The following FMO3 variants were observed in gnomAD, a reference collection of about 807,000 sequenced individuals.
FMO3 encodes the protein flavin-containing monooxygenase 3.
A neutral mutation model predicts 39.4 loss-of-function variants in FMO3; 40 were observed. The ratio of observed to expected loss-of-function variants is 1.02; its 90% confidence interval spans 0.79 to 1.32. The LOEUF is 1.32. Among genes scored for constraint, FMO3 ranks in the 40% most tolerant of loss-of-function variants. The pLI, the probability that FMO3 is intolerant of heterozygous loss-of-function variation, is 0.00. For missense variants in FMO3, 680 were observed against 651.8 expected (o/e 1.04, Z -0.47); for synonymous variants, 219 against 228.8 (o/e 0.96, Z 0.39).
At chr1:171,096,763 TATAATTAATATAATTATATTAA>T (rs1308826620) in intron 2 of FMO3, among the ~76,000 whole-genome samples, 4 of 129,136 alleles carry the variant, frequency 3.1e-5, no homozygotes, top group East Asian at 2.1e-4. Context: ...ATTAAAAATA[TATAATTAATATAATTATATTAA>T]AAATATATAT....
Position 171,117,091 on chromosome 1 carries a change from C to A in FMO3, c.1257-9C>A. On this transcript the variant is annotated splice_polypyrimidine_tract_variant and intron_variant, in intron 8 of 8. Coordinates refer to ENST00000367755, the MANE Select transcript of FMO3 (RefSeq NM_001002294.3). ...GTATCCACAGTGGTGTTTTCTCTCC[C>A]ATCTCCAGGTTTGGCAAAAGCGAGA... 1.2e-6 allele frequency: 2 copies of A among 1,607,558 alleles called. No individual in the cohort carries two copies. Among genetic ancestry groups the A allele is most frequent in the Non-Finnish European group, 1.7e-6 (2 of 1,174,034 alleles).
chr1:171,110,839 G>A lies in FMO3; in HGVS notation c.669G>A (p.Arg223=). The change falls in exon 6 of 9, where the codon CGG becomes CGA. Residue 223 remains arginine, a synonymous_variant. Transcript: ENST00000367755. The part of the protein sequence containing the change: ...SSRSGSWVMS[R]VWDNGYPWDM... Reference sequence around the variant, plus strand: ...GAAGTGGCTCCTGGGTGATGAGCCGGGTCTGGGACAATGGTTATCCTTGGG... The same window carrying A: ...GAAGTGGCTCCTGGGTGATGAGCCGAGTCTGGGACAATGGTTATCCTTGGG... 1.9e-6 allele frequency: 3 copies of A among 1,613,926 alleles called. No homozygotes were observed. The South Asian group carries it at 3.3e-5, about 18-fold the overall frequency.
At position 171,107,659 on chromosome 1, in the gene FMO3, T is replaced by C. The variant is rs1279065517; in HGVS notation, c.322-16T>C. ...CTAGCATAGAAAAGAGGGATTTCTT[T>C]CTGTATTTCTCTTAGACATTTGTAT... On this transcript the variant is annotated splice_polypyrimidine_tract_variant and intron_variant, in intron 3 of 8. Transcript: ENST00000367755. 6.2e-7 allele frequency: 1 copy of C among 1,610,106 alleles called. No individual in the cohort carries two copies. Among genetic ancestry groups the C allele is most frequent in the Admixed American group, 1.7e-5 (1 of 59,960 alleles).
chr1:171,110,513 TC>T (rs1057403022), intron 5 of FMO3, among the ~76,000 whole-genome samples: 4 of 152,214 alleles, frequency 2.6e-5, no homozygotes, highest in African/African-American at 9.6e-5. Context: ...GCTGGGATGG[TC>T]CTTTGGCATT....
Position 171,113,996 on chromosome 1 carries a change from T to A in FMO3, c.828-11T>A. 6.6e-7 allele frequency: 1 copy of A among 1,516,976 alleles called. No individual in the cohort carries two copies. Among genetic ancestry groups the A allele is most frequent in the Non-Finnish European group, 9.1e-7 (1 of 1,096,818 alleles). The allele number at this position is 1,516,976 out of a possible 1,614,324, so 94.0% of individuals were successfully genotyped here. ...TTACACTTCCAATAATTGTCTCTGT[T>A]TTCCATACAGAGTCCTGAGGAAAGA... On this transcript the variant is annotated splice_polypyrimidine_tract_variant and intron_variant, in intron 6 of 8. Coordinates refer to ENST00000367755, the MANE Select transcript of FMO3 (RefSeq NM_001002294.3).
In FMO3 at chr1:171,117,389, A is replaced by G. The variant is rs746860049; in HGVS notation, c.1546A>G (p.Lys516Glu). 46 of 1,613,028 alleles carry G rather than the reference A, an allele frequency of 2.9e-5. No homozygotes were observed. Among genetic ancestry groups the G allele is most frequent in the Non-Finnish European group, 3.6e-5 (43 of 1,179,748 alleles). The change falls in exon 9 of 9, where the codon AAG (lysine) becomes GAG (glutamate). Residue 516 changes from lysine (K) to glutamate (E), a missense_variant. Coordinates refer to ENST00000367755, the MANE Select transcript of FMO3 (RefSeq NM_001002294.3). ...GCCTTGCTTCTTTTTCCATTGGCTG[A>G]AGCTCTTTGCAATTCCTATTCTGTT... Reference protein sequence around the residue: ...QKPCFFFHWLKLFAIPILLIA... With the variant: ...QKPCFFFHWLELFAIPILLIA...
At chr1:171,105,143 C>T (rs1571215683) in intron 3 of FMO3, among the ~76,000 whole-genome samples, 1 of 152,012 alleles carries the variant, frequency 6.6e-6, no homozygotes, top group African/African-American at 2.4e-5. Context: ...GTTCTTTTGA[C>T]CTAGAAATTA....
At chr1:171,097,379 A>G (rs28817425) in intron 2 of FMO3, among the ~76,000 whole-genome samples, 12,180 of 85,806 alleles carry the variant, frequency 0.14, 453 homozygotes, top group African/African-American at 0.21. Flanking sequence ...GACTTCCACA[A>G]TGGTTGAACT....
intron 6 of FMO3, 85 bp downstream of exon 6, chr1:171,111,082 C>A (rs1391988851): frequency 1.9e-6 from 2 of 1,050,544 alleles, no homozygotes; most frequent in Non-Finnish European, 3.0e-6. Context: ...CAAAACAAAT[C>A]AAAGTATTAG....
intron 5 of FMO3, among the ~76,000 whole-genome samples, chr1:171,108,623 A>G (rs28363553): frequency 0.018 from 2,722 of 152,262 alleles, 74 homozygotes; most frequent in African/African-American, 0.061. Flanking sequence ...ATAAAGTTAA[A>G]GCTTTTGAAC....
At chr1:171,097,980 A>G (rs1298007931) in intron 2 of FMO3, among the ~76,000 whole-genome samples, 2 of 152,204 alleles carry the variant, frequency 1.3e-5, no homozygotes, top group East Asian at 3.8e-4. Flanking sequence ...AGGTGTAAGT[A>G]AGGGATCCAG....
intron 2 of FMO3, among the ~76,000 whole-genome samples, chr1:171,097,027 G>A (rs960166855): frequency 6.7e-5 from 10 of 150,302 alleles, no homozygotes; most frequent in African/African-American, 2.5e-4. Context: ...ATCTATGAGT[G>A]AGAACATGTG....
chr1:171,108,300 G>A, intron 5 of FMO3, 79 bp downstream of exon 5: 1 of 1,544,954 alleles, frequency 6.5e-7, no homozygotes, highest in Non-Finnish European at 8.9e-7. Context: ...GATATGAAAT[G>A]TGGGGGAGGA....
chr1:171,096,173 TATATA>T (rs1275169603), intron 2 of FMO3, among the ~76,000 whole-genome samples: 3 of 71,732 alleles, frequency 4.2e-5, no homozygotes, highest in African/African-American at 2.0e-4. Flanking sequence ...TATATAATTA[TATATA>T]ATATATTAAT....
exon 9 of FMO3, chr1:171,117,814 TTATAA>T (rs762333220): frequency 5.7e-6 from 1 of 174,974 alleles, no homozygotes; most frequent in Admixed American, 5.6e-5. Context: ...AGCAGAATAA[TTATAA>T]TATGATACTC....
chr1:171,104,342 A>G (rs557071232), intron 3 of FMO3, among the ~76,000 whole-genome samples: 2 of 152,286 alleles, frequency 1.3e-5, no homozygotes, highest in Non-Finnish European at 2.9e-5. Context: ...AATTTAGTCT[A>G]TGTATCAATA....
intron 5 of FMO3, among the ~76,000 whole-genome samples, chr1:171,109,925 CAAAG>C (rs1248017526): frequency 6.6e-6 from 1 of 151,916 alleles, no homozygotes; most frequent in Non-Finnish European, 1.5e-5. Context: ...TTAAAAAAGA[CAAAG>C]AAAGCCTGAA....
Position 171,114,034 on chromosome 1 carries a change from C to T in FMO3, c.855C>T (p.Asn285=), listed in dbSNP as rs909530. The change falls in exon 7 of 9, where the codon AAC becomes AAT. Residue 285 remains asparagine (N), a synonymous_variant. Coordinates refer to ENST00000367755, the MANE Select transcript of FMO3 (RefSeq NM_001002294.3). The part of the protein sequence containing the change: ...NGVLRKEPVF[N]DELPASILCG... ...TCCTGAGGAAAGAGCCTGTATTTAA[C>T]GATGAGCTCCCAGCAAGCATTCTGT... The T allele has an allele frequency of 0.27, 426,599 of 1,607,532 alleles. 59,493 individuals are homozygous for T. The highest frequency in any genetic ancestry group is 0.44 in the African/African-American group (32,969 of 74,670).
At chr1:171,091,996 T>C (rs559953967) in intron 1 of FMO3, among the ~76,000 whole-genome samples, 60 of 152,230 alleles carry the variant, frequency 3.9e-4, no homozygotes, top group Middle Eastern at 3.4e-3. Flanking sequence ...TGGGTGGATG[T>C]GTCTACAGGT....
Sources: gnomAD v4.1 joint callset for allele counts (sites outside exome capture counted in the v4.1 genomes callset) on GRCh38, gnomAD v4.1.1 for gene constraint, MANE v1.5 for transcripts, NCBI Gene and HGNC (gene_info 2026-07-23, HGNC 2026-07-21) for gene names.